Variants in HTR3C observed in about 807,000 individuals in gnomAD.
HTR3C encodes the protein 5-hydroxytryptamine receptor 3C, also known as 5-HT3-C.
In HTR3C, 32 loss-of-function variants were observed where a neutral mutation model predicts 40.5. The ratio of observed to expected loss-of-function variants is 0.79; its 90% CI spans 0.60 to 1.06. HTR3C has a LOEUF of 1.06. Among genes scored for constraint, HTR3C ranks in the 50% least tolerant of loss-of-function variants. The pLI, the probability that HTR3C is intolerant of heterozygous loss-of-function variation, is 0.00. For synonymous variants in HTR3C, 209 were observed against 217.1 expected (o/e 0.96, Z 0.33); for missense variants, 523 against 556.8 (o/e 0.94, Z 0.61).
Position 184,056,886 on chromosome 3 carries a change from A to C in HTR3C, c.401A>C (p.Asp134Ala). 1 of 1,607,862 alleles carries C rather than the reference A, an allele frequency of 6.2e-7. No individual in the cohort carries two copies. Among genetic ancestry groups the C allele is most frequent in the Non-Finnish European group, 8.5e-7 (1 of 1,175,852 alleles). The change falls in exon 5 of 9, where the codon GAT (aspartate) becomes GCT (alanine). Residue 134 changes from aspartate (D) to alanine (A), a missense_variant. Asp to Ala is a moderately radical substitution (Grantham distance 126). Coordinates refer to ENST00000318351, the MANE Select transcript of HTR3C (RefSeq NM_130770.3). The stretch of plus-strand genomic sequence containing the variant: ...CCTTCCCCAAACAGCATGGATGTGG[A>C]TCAGACGCCTTCCGGTCTCACTGCC... ...DIFIVESMDV[D>A]QTPSGLTAYI...
chr3:184,057,506 G>A (rs1314696488), intron 5 of HTR3C, among the ~76,000 whole-genome samples: 1 of 152,128 alleles, frequency 6.6e-6, no homozygotes, highest in Non-Finnish European at 1.5e-5. Context: ...AGGCCGAGGT[G>A]GGCAGAACAC....
Position 184,060,136 on chromosome 3 carries a change from T to C in HTR3C, c.1142-14T>C. ...CCTTCCCACTCCATGACTGAGCCTC[T>C]GTCCTCTCCACAGGCCCAAAGGAGC... is the stretch of plus-strand genomic sequence containing the variant. On this transcript the variant is annotated splice_polypyrimidine_tract_variant and intron_variant, in intron 8 of 8. Coordinates refer to ENST00000318351, the MANE Select transcript of HTR3C (RefSeq NM_130770.3). The C allele has an allele frequency of 1.2e-6, 2 of 1,612,438 alleles. No homozygotes were observed.
rs969437536 is a variant in HTR3C, at chr3:184,060,618, C to T, written c.*266C>T. On this transcript the variant is annotated 3_prime_UTR_variant, in exon 9 of 9. Coordinates refer to ENST00000318351, the MANE Select transcript of HTR3C (RefSeq NM_130770.3). Reference sequence around the variant, plus strand: ...TCCTCACTCCCTGATCAATGGAAGTCCAGGTCAGTGGAGTCTCTCCTTGAT... The same window carrying T: ...TCCTCACTCCCTGATCAATGGAAGTTCAGGTCAGTGGAGTCTCTCCTTGAT... 5.6e-6 allele frequency: 3 copies of T among 534,204 alleles called. No homozygotes were observed. The highest frequency in any genetic ancestry group is 1.0e-5 in the Non-Finnish European group (3 of 296,008). 33.1% of individuals were successfully genotyped at this position (534,204 alleles called of 1,614,324 possible). A position where few individuals can be genotyped will look rare whatever the true frequency, so the allele number is the denominator to read the frequency against.
Position 184,059,410 on chromosome 3 carries a change from T to C in HTR3C, c.721-26T>C, listed in dbSNP as rs1723394814. On this transcript the variant is annotated intron_variant, in intron 6 of 8. Coordinates refer to ENST00000318351, the MANE Select transcript of HTR3C (RefSeq NM_130770.3). ...TTGAGCCCTCTGACATCTATTTATT[T>C]GCCATCTTCTCCGGTCTCTCTCCAG... The C allele has an allele frequency of 2.5e-6, 4 of 1,603,422 alleles. No individual in the cohort carries two copies. The Admixed American group carries it at 6.7e-5, about 27-fold the overall frequency.
At position 184,059,442 on chromosome 3, in the gene HTR3C, A is replaced by C; in HGVS notation, c.727A>C (p.Ile243Leu). The C allele has an allele frequency of 6.2e-7, 1 of 1,614,124 alleles. No homozygotes were observed. The highest frequency in any genetic ancestry group is 1.3e-5 in the African/African-American group (1 of 75,054). The part of the protein sequence containing the change: ...LYDQIMFYVA[I>L]RRRPSLYIIN... ...TTCTCCGGTCTCTCTCCAGGTGGCC[A>C]TCAGGCGCAGGCCAAGCCTCTACAT... Residue 243 changes from isoleucine to leucine, a missense_variant, in exon 7 of 9, where the codon ATC (isoleucine) becomes CTC (leucine). Coordinates refer to ENST00000318351, the MANE Select transcript of HTR3C (RefSeq NM_130770.3).
chr3:184,054,048 C>T (rs747824077), intron 1 of HTR3C, among the ~76,000 whole-genome samples: 6 of 150,948 alleles, frequency 4.0e-5, no homozygotes, highest in Non-Finnish European at 7.4e-5. Context: ...TCACCGCGCC[C>T]GGCACACCGG....
Position 184,055,606 on chromosome 3 carries a change from C to T in HTR3C, c.279+250C>T, listed in dbSNP as rs150695694. Among the ~76,000 whole-genome samples the T allele has an allele frequency of 5.4e-3, 820 of 151,764 alleles. 9 individuals carry two copies. The highest frequency in any genetic ancestry group is 0.016 in the African/African-American group (642 of 41,360). Reference sequence around the variant, plus strand: ...GCAGGTGCCTGTAATCCCAGCTATTCGGGAGGCTGAGGCAGGAAAATTGCT... The same window carrying T: ...GCAGGTGCCTGTAATCCCAGCTATTTGGGAGGCTGAGGCAGGAAAATTGCT... On this transcript the variant is annotated intron_variant, in intron 3 of 8. Coordinates refer to ENST00000318351, the MANE Select transcript of HTR3C (RefSeq NM_130770.3).
At chr3:184,057,125 G>GGAGCAACACT in intron 5 of HTR3C, 81 bp downstream of exon 5, 2 of 1,119,864 alleles carry the variant, frequency 1.8e-6, no homozygotes, top group Non-Finnish European at 2.6e-6. Flanking sequence ...AAAAGGTTTT[G>GGAGCAACACT]GATCAGTGTT....
rs71185686 is a variant in HTR3C at position 184,055,884 on chromosome 3, C to CAAAAAAAAAAAAAAAA, written c.280-279_280-264dup. Among the ~76,000 whole-genome samples, 28 of 30,706 alleles carry CAAAAAAAAAAAAAAAA rather than the reference C, an allele frequency of 9.1e-4. 8 individuals carry two copies. Among genetic ancestry groups the CAAAAAAAAAAAAAAAA allele is most frequent in the East Asian group, 1.3e-3 (1 of 760 alleles). 20.1% of individuals were successfully genotyped at this position (30,706 alleles called of 152,430 possible). ...TCTTAGGAAGGTTGAAATAGCAACT[C>CAAAAAAAAAAAAAAAA]AAAAAAAAAAAAAAAAAAAAAAAAA... On this transcript the variant is annotated intron_variant, in intron 3 of 8. Transcript: ENST00000318351.
chr3:184,060,504 A>G lies in HTR3C; in HGVS notation c.*152A>G. The G allele has an allele frequency of 1.0e-6, 1 of 987,648 alleles. No homozygotes were observed. The highest frequency in any genetic ancestry group is 1.6e-5 in the African/African-American group (1 of 62,438). The allele number at this position is 987,648 out of a possible 1,614,324, so 61.2% of individuals were successfully genotyped here. The stretch of plus-strand genomic sequence containing the variant: ...AGACTCCAACGCAGCACTAGCAAGC[A>G]GGTTCGGGACAGCCCTGGACGATTT... On this transcript the variant is annotated 3_prime_UTR_variant, in exon 9 of 9. Coordinates refer to ENST00000318351, the MANE Select transcript of HTR3C (RefSeq NM_130770.3).
chr3:184,058,523 G>C lies in HTR3C; in HGVS notation c.656G>C (p.Gly219Ala), dbSNP rs778772619. The C allele has an allele frequency of 1.2e-6, 2 of 1,613,524 alleles. No homozygotes were observed. Among genetic ancestry groups the C allele is most frequent in the Non-Finnish European group, 1.7e-6 (2 of 1,179,790 alleles). ...ACCCAGGGGGAGTGGGAGCTCTTGG[G>C]CATCAACAAGGCCACCCCAAAGATG... Reference protein sequence around the residue: ...IQTQGEWELLGINKATPKMSM... With the variant: ...IQTQGEWELLAINKATPKMSM... The change falls in exon 6 of 9, where the codon GGC becomes GCC. Residue 219 changes from glycine to alanine, a missense_variant. Coordinates refer to ENST00000318351, the MANE Select transcript of HTR3C (RefSeq NM_130770.3).
chr3:184,057,810 T>C (rs1723359481), intron 5 of HTR3C, among the ~76,000 whole-genome samples: 1 of 152,214 alleles, frequency 6.6e-6, no homozygotes, highest in Non-Finnish European at 1.5e-5. Context: ...AGATGCCGAT[T>C]AAATTGTTCC....
At chr3:184,055,166 C>T in intron 2 of HTR3C, 146 bp from the exon 3 acceptor site, 1 of 674,590 alleles carries the variant, frequency 1.5e-6, no homozygotes, top group South Asian at 1.8e-5. Context: ...TGCCCATAGA[C>T]ACAGGGGAAA....
In HTR3C at chr3:184,059,716, C is replaced by T. The variant is rs144130141; in HGVS notation, c.925+76C>T. 570 of 1,592,780 alleles carry T rather than the reference C, an allele frequency of 3.6e-4. 6 individuals carry two copies. In the East Asian group the frequency reaches 0.011, roughly 30 times the overall value. The stretch of plus-strand genomic sequence containing the variant: ...GGAGGGCCAGGAGAAATGGCCGCTG[C>T]TCCACTGAAGGAAGGAAGGGGCTGT... On this transcript the variant is annotated intron_variant, in intron 7 of 8. Coordinates refer to ENST00000318351, the MANE Select transcript of HTR3C (RefSeq NM_130770.3).
intron 2 of HTR3C, 46 bp downstream of exon 2, chr3:184,054,933 C>A: frequency 6.5e-7 from 1 of 1,549,320 alleles, no homozygotes; most frequent in East Asian, 2.3e-5. Context: ...TAATAAGGAA[C>A]GAGGACCCTC....
chr3:184,055,172 G>T, intron 2 of HTR3C, 140 bp from the exon 3 acceptor site: 1 of 689,222 alleles, frequency 1.5e-6, no homozygotes. Context: ...TAGACACAGG[G>T]GAAACGAGTG....
intron 4 of HTR3C, among the ~76,000 whole-genome samples, 187 bp downstream of exon 4, chr3:184,056,473 G>A (rs561653306): frequency 1.3e-4 from 20 of 152,204 alleles, no homozygotes; most frequent in African/African-American, 3.6e-4. Flanking sequence ...AGGGCCAGGC[G>A]CGGTGGCTCA....
At chr3:184,053,899 C>T (rs757345229) in intron 1 of HTR3C, among the ~76,000 whole-genome samples, 3 of 152,168 alleles carry the variant, frequency 2.0e-5, no homozygotes, top group Admixed American at 6.5e-5. Context: ...GGATTACAGG[C>T]GAGCGCCACT....
At chr3:184,055,253 G>A in intron 2 of HTR3C, 59 bp from the exon 3 acceptor site, 1 of 1,089,106 alleles carries the variant, frequency 9.2e-7, no homozygotes, top group Middle Eastern at 2.0e-4. Flanking sequence ...GGGAATATGA[G>A]GTGGGCATTG....
Sources: allele counts gnomAD v4.1 joint callset (sites outside exome capture counted in the v4.1 genomes callset), GRCh38; gene constraint gnomAD v4.1.1; transcripts MANE v1.5; gene names NCBI Gene and HGNC (gene_info 2026-07-23, HGNC 2026-07-21).